Variants in PTPRO observed in about 807,000 individuals in gnomAD.
PTPRO encodes protein tyrosine phosphatase receptor type O, also known as receptor-type tyrosine-protein phosphatase O.
PTPRO carries 62 observed loss-of-function variants against 145.2 expected under a neutral mutation model. The observed-to-expected ratio is 0.43, with a 90% CI of 0.35 to 0.53. The LOEUF is 0.53. Ranked by LOEUF, PTPRO falls within the 20% of genes least tolerant of loss-of-function variation. The pLI, the probability that PTPRO is intolerant of heterozygous loss-of-function variation, is 0.01. For synonymous variants in PTPRO, 565 were observed against 514.7 expected (o/e 1.10, Z -1.32); for missense variants, 1,345 against 1,482.7 (o/e 0.91, Z 1.53).
chr12:15,326,141 C>T (rs1194385356), intron 1 of PTPRO, among the ~76,000 whole-genome samples: 1 of 152,164 alleles, frequency 6.6e-6, no homozygotes, highest in Non-Finnish European at 1.5e-5. Flanking sequence ...TACACACACA[C>T]AAAGAAGTTT....
chr12:15,515,601 C>T lies in PTPRO; in HGVS notation c.1568C>T (p.Pro523Leu). The T allele has an allele frequency of 6.2e-7, 1 of 1,614,042 alleles. No individual in the cohort carries two copies. Among genetic ancestry groups the T allele is most frequent in the Non-Finnish European group, 8.5e-7 (1 of 1,179,976 alleles). The change falls in exon 8 of 27, where the codon CCT becomes CTT. Residue 523 changes from proline to leucine, a missense_variant. Pro to Leu is a moderately conservative substitution (Grantham distance 98, BLOSUM62 -3). This residue lies in a region of PTPRO where 1,130 missense variants were observed against 1,214.7 expected (regional missense o/e 0.93). Coordinates refer to ENST00000281171, the MANE Select transcript of PTPRO (RefSeq NM_030667.3). Reference protein sequence around the residue: ...KGPLIGPPSDPVTFAIVPTGI... With the variant: ...KGPLIGPPSDLVTFAIVPTGI... ...CCTTTGATTGGACCACCTTCAGATC[C>T]TGTGACATTTGCTATTGGTAAGTTG...
intron 1 of PTPRO, among the ~76,000 whole-genome samples, chr12:15,448,248 A>G (rs1486509585): frequency 6.8e-6 from 1 of 146,738 alleles, no homozygotes; most frequent in East Asian, 2.0e-4. Flanking sequence ...TTTTCCTAAT[A>G]CTAGGAACTT....
intron 7 of PTPRO, among the ~76,000 whole-genome samples, chr12:15,513,193 G>A (rs1451909477): frequency 1.0e-5 from 1 of 98,976 alleles, no homozygotes; most frequent in Non-Finnish European, 1.9e-5. Flanking sequence ...AAGAAAGAAA[G>A]AAAGAAAGAA....
At chr12:15,477,653 T>G (rs1941685581) in intron 1 of PTPRO, among the ~76,000 whole-genome samples, 1 of 151,950 alleles carries the variant, frequency 6.6e-6, no homozygotes, top group Non-Finnish European at 1.5e-5. Flanking sequence ...GAGTTAGCCT[T>G]CAGAGCGTGA....
At chr12:15,463,896 T>C (rs1411534656) in intron 1 of PTPRO, among the ~76,000 whole-genome samples, 2 of 152,184 alleles carry the variant, frequency 1.3e-5, no homozygotes, top group African/African-American at 2.4e-5. Flanking sequence ...TGAGAATATG[T>C]GGTTAAAGGC....
chr12:15,587,075 T>C (rs755414990), intron 24 of PTPRO, 24 bp downstream of exon 24: 2 of 1,613,658 alleles, frequency 1.2e-6, no homozygotes, highest in Non-Finnish European at 1.7e-6. Flanking sequence ...CTGCATTTTC[T>C]ATTAAATATT....
intron 1 of PTPRO, among the ~76,000 whole-genome samples, chr12:15,340,803 C>T (rs1017996659): frequency 5.3e-5 from 8 of 152,104 alleles, no homozygotes; most frequent in Admixed American, 3.9e-4. Flanking sequence ...GACTTTTACA[C>T]CTCAGATTGG....
intron 1 of PTPRO, among the ~76,000 whole-genome samples, chr12:15,349,328 G>A (rs182621328): frequency 1.6e-4 from 24 of 152,310 alleles, no homozygotes; most frequent in African/African-American, 5.5e-4. Context: ...AGATGGATGA[G>A]TGATAGAAGA....
intron 1 of PTPRO, among the ~76,000 whole-genome samples, chr12:15,364,289 T>A (rs1414485209): frequency 1.3e-5 from 2 of 151,598 alleles, no homozygotes; most frequent in African/African-American, 4.8e-5. Flanking sequence ...AGGAGAGAGG[T>A]CATTATTATC....
Position 15,598,068 on chromosome 12 carries a change from T to C in PTPRO, c.*1995T>C, listed in dbSNP as rs900722912. Among the ~76,000 whole-genome samples, 1 of 152,180 alleles carries C rather than the reference T, an allele frequency of 6.6e-6. No homozygotes were observed. The highest frequency in any genetic ancestry group is 1.5e-5 in the Non-Finnish European group (1 of 68,040). On this transcript the variant is annotated 3_prime_UTR_variant, in exon 27 of 27. Transcript: ENST00000281171. ...GCACTTCATAAATATTTTATGTTTT[T>C]CTTGAGCACCCTTTCAAGGTAGGGA...
In PTPRO at chr12:15,520,274, T is replaced by A; in HGVS notation, c.1853T>A (p.Leu618Ter). The A allele has an allele frequency of 6.2e-7, 1 of 1,613,768 alleles. No individual in the cohort carries two copies. The highest frequency in any genetic ancestry group is 8.5e-7 in the Non-Finnish European group (1 of 1,179,782). ...ATGGTGACGTGGGGAGATCCAGAAT[T>A]GAGCTGCTGTGACAGCTCTACCATC... ...VTMVTWGDPE[L>*]SCCDSSTISF... is the part of the protein sequence containing the mutation. Residue 618 changes from leucine (L) to a stop codon, truncating the protein, a stop_gained, in exon 10 of 27, where the codon TTG (leucine) becomes TAG (stop). Coordinates refer to ENST00000281171, the MANE Select transcript of PTPRO (RefSeq NM_030667.3). LOFTEE classifies it high-confidence loss of function.
rs545868410 is a variant in PTPRO, at chr12:15,331,085, G to A, written c.75+8284G>A. On this transcript the variant is annotated intron_variant, in intron 1 of 26. Transcript: ENST00000281171. ...GGGAGTGAAGGGCAGTGGGCCGGAA[G>A]GGGGTCTTGAGAGGCACCGATTGTT... 3.3e-5 allele frequency among the ~76,000 whole-genome samples: 5 copies of A among 152,240 alleles called. No individual in the cohort carries two copies. The South Asian group carries it at 1.0e-3, about 32-fold the overall frequency.
intron 3 of PTPRO, among the ~76,000 whole-genome samples, chr12:15,498,396 A>T (rs1942150733): frequency 6.6e-6 from 1 of 152,066 alleles, no homozygotes; most frequent in African/African-American, 2.4e-5. Flanking sequence ...CTCTACTAAA[A>T]CATACAAAAA....
At chr12:15,449,143 G>A (rs1940984453) in intron 1 of PTPRO, among the ~76,000 whole-genome samples, 2 of 149,810 alleles carry the variant, frequency 1.3e-5, no homozygotes, top group African/African-American at 4.9e-5. Context: ...AAAAGGAAAT[G>A]ACATACAGAA....
chr12:15,549,240 T>C lies in PTPRO; in HGVS notation c.2437+14T>C, dbSNP rs752133197. ...TCTCAACAATGGGTAATTATACACATTAGTGTATAATTTTCTCACTTTTTT... is the reference window on the plus strand; with the variant it reads ...TCTCAACAATGGGTAATTATACACACTAGTGTATAATTTTCTCACTTTTTT... On this transcript the variant is annotated intron_variant, in intron 14 of 26. Coordinates refer to ENST00000281171, the MANE Select transcript of PTPRO (RefSeq NM_030667.3). The C allele has an allele frequency of 1.9e-6, 3 of 1,572,220 alleles. No individual in the cohort carries two copies. In the East Asian group the frequency reaches 6.8e-5, roughly 36 times the overall value.
At chr12:15,351,455 C>A (rs985461329) in intron 1 of PTPRO, among the ~76,000 whole-genome samples, 1 of 151,996 alleles carries the variant, frequency 6.6e-6, no homozygotes, top group Non-Finnish European at 1.5e-5. Flanking sequence ...AACAAAAGGC[C>A]TATTAACCAA....
chr12:15,513,115 G>T lies in PTPRO; in HGVS notation c.1465-2383G>T, dbSNP rs1332005835. 1.2e-3 allele frequency among the ~76,000 whole-genome samples: 6 copies of T among 5,140 alleles called. 1 individual carries two copies. Among genetic ancestry groups the T allele is most frequent in the Admixed American group, 8.7e-3 (2 of 230 alleles). 3.4% of individuals were successfully genotyped at this position (5,140 alleles called of 152,430 possible). On this transcript the variant is annotated intron_variant, in intron 7 of 26. Coordinates refer to ENST00000281171, the MANE Select transcript of PTPRO (RefSeq NM_030667.3). ...AAGAAGAAAGAAAGAAAGAAAGGAAGGAAGGAAGGAAGGAAGGAAGGAAGG... is the reference window on the plus strand; with the variant it reads ...AAGAAGAAAGAAAGAAAGAAAGGAATGAAGGAAGGAAGGAAGGAAGGAAGG...
chr12:15,432,634 T>C (rs567634744), intron 1 of PTPRO, among the ~76,000 whole-genome samples: 5 of 152,348 alleles, frequency 3.3e-5, no homozygotes, highest in Admixed American at 1.3e-4. Flanking sequence ...TGTATAAGTA[T>C]TCCCTTTTCT....
intron 1 of PTPRO, among the ~76,000 whole-genome samples, chr12:15,349,023 T>C (rs866687839): frequency 1.3e-5 from 2 of 152,346 alleles, no homozygotes; most frequent in Middle Eastern, 6.8e-3. Context: ...TTAATGTCTC[T>C]TTTTTATGGC....
Sources: gnomAD v4.1 joint callset for allele counts (sites outside exome capture counted in the v4.1 genomes callset) on GRCh38, gnomAD v4.1.1 for gene constraint, gnomAD v4.1.1 regional missense constraint, MANE v1.5 for transcripts, NCBI Gene and HGNC (gene_info 2026-07-23, HGNC 2026-07-21) for gene names.